Variants in ALKBH3 observed in about 807,000 individuals in gnomAD.
ALKBH3 encodes the protein alkB homolog 3, alpha-ketoglutarate dependent dioxygenase.
Under a neutral mutation model 43.9 loss-of-function variants are expected in ALKBH3, and 51 were observed. That is an observed-to-expected ratio of 1.16 (90% confidence interval 0.93 to 1.47). The LOEUF is 1.47. Ranked by LOEUF, ALKBH3 falls within the 40% of genes most tolerant of loss-of-function variation. The pLI is 0.00. For missense variants in ALKBH3, 361 were observed against 351.9 expected (o/e 1.03, Z -0.21); for synonymous variants, 102 against 115.2 (o/e 0.89, Z 0.73).
Position 43,883,938 on chromosome 11 carries a change from G to A in ALKBH3, c.184-45G>A, listed in dbSNP as rs1951730838. 5 of 1,609,706 alleles carry A rather than the reference G, an allele frequency of 3.1e-6. No individual in the cohort carries two copies. In the South Asian group the frequency reaches 3.3e-5, roughly 11 times the overall value. ...AGATATGGTAAGTCAGTATCCTTGA[G>A]GATTAAGAACATCCCAGAAGTAAGA... On this transcript the variant is annotated intron_variant, in intron 3 of 9. Coordinates refer to ENST00000302708, the MANE Select transcript of ALKBH3 (RefSeq NM_139178.4).
intron 4 of ALKBH3, 21 bp from the exon 5 acceptor site, chr11:43,886,583 GTC>G (rs1205591184): frequency 6.2e-7 from 1 of 1,613,750 alleles, no homozygotes; most frequent in Admixed American, 1.7e-5. Context: ...AAACTAACAA[GTC>G]TGTTTCCTTT....
intron 7 of ALKBH3, chr11:43,897,952 A>G: frequency 2.5e-6 from 2 of 785,208 alleles, no homozygotes; most frequent in Non-Finnish European, 4.7e-6. Flanking sequence ...AGAAGGAGGC[A>G]TAACCTTTGT....
chr11:43,884,800 G>A (rs888367859), intron 4 of ALKBH3, among the ~76,000 whole-genome samples: 1 of 152,114 alleles, frequency 6.6e-6, no homozygotes, highest in Non-Finnish European at 1.5e-5. Flanking sequence ...CACTCAGGCT[G>A]GAGTGCAGTG....
intron 9 of ALKBH3, 176 bp from the exon 10 acceptor site, chr11:43,919,742 T>C (rs1230106138): frequency 8.5e-6 from 5 of 588,170 alleles, no homozygotes; most frequent in Non-Finnish European, 1.5e-5. Flanking sequence ...GGGCTGGGGA[T>C]GGAAATTTGT....
intron 7 of ALKBH3, among the ~76,000 whole-genome samples, chr11:43,900,250 G>C (rs1951853140): frequency 1.0e-5 from 1 of 97,136 alleles, no homozygotes; most frequent in Non-Finnish European, 1.9e-5. Context: ...TTGCGACAGA[G>C]TCTCGCTCTG....
chr11:43,898,779 A>G (rs1951839539), intron 7 of ALKBH3: 4 of 754,890 alleles, frequency 5.3e-6, no homozygotes, highest in East Asian at 2.4e-5. Flanking sequence ...TGGTTAGTCC[A>G]TTTATTGATG....
chr11:43,908,329 T>TC (rs1951910849), intron 8 of ALKBH3, among the ~76,000 whole-genome samples: 1 of 151,690 alleles, frequency 6.6e-6, no homozygotes, highest in African/African-American at 2.4e-5. Context: ...GGGAAAGAGT[T>TC]CCGGGGGATT....
chr11:43,911,555 G>A (rs932827457), intron 8 of ALKBH3, among the ~76,000 whole-genome samples: 10 of 152,190 alleles, frequency 6.6e-5, no homozygotes, highest in African/African-American at 1.4e-4. Flanking sequence ...TGGAATAACC[G>A]CAATAGTAAA....
intron 8 of ALKBH3, among the ~76,000 whole-genome samples, chr11:43,905,775 C>G (rs559698242): frequency 1.3e-5 from 2 of 152,094 alleles, no homozygotes; most frequent in Non-Finnish European, 2.9e-5. Context: ...TGTCCCAAAC[C>G]CAGTTGTACT....
intron 8 of ALKBH3, among the ~76,000 whole-genome samples, chr11:43,914,566 T>TAA (rs34921510): frequency 5.3e-5 from 8 of 150,634 alleles, no homozygotes; most frequent in Middle Eastern, 3.4e-3. Flanking sequence ...TGTAAACTCT[T>TAA]AAAAAAAAAA....
intron 7 of ALKBH3, chr11:43,898,562 G>A: frequency 1.3e-6 from 1 of 769,088 alleles, no homozygotes; most frequent in Non-Finnish European, 2.4e-6. Context: ...CTAAGGCGAT[G>A]TGAAGAGAAT....
chr11:43,906,391 CTAAA>C (rs1455894126), intron 8 of ALKBH3, among the ~76,000 whole-genome samples: 2 of 152,116 alleles, frequency 1.3e-5, no homozygotes, highest in Non-Finnish European at 2.9e-5. Context: ...TAATAAGATA[CTAAA>C]TAGTGTAAAT....
At chr11:43,902,714 A>G (rs1951871510) in intron 8 of ALKBH3, among the ~76,000 whole-genome samples, 1 of 152,224 alleles carries the variant, frequency 6.6e-6, no homozygotes, top group African/African-American at 2.4e-5. Context: ...CACTTGCGTT[A>G]GCCTCCCGAG....
chr11:43,895,770 A>G (rs1305902257), intron 7 of ALKBH3, among the ~76,000 whole-genome samples: 2 of 152,234 alleles, frequency 1.3e-5, no homozygotes, highest in Non-Finnish European at 2.9e-5. Flanking sequence ...GCATGAATCA[A>G]GCCATTGTCA....
intron 8 of ALKBH3, chr11:43,917,004 CAG>C (rs1422797756): frequency 6.6e-6 from 1 of 152,224 alleles, no homozygotes; most frequent in Non-Finnish European, 1.5e-5. Flanking sequence ...TCACTTCTCA[CAG>C]AGGGTACACT....
intron 7 of ALKBH3, chr11:43,898,102 C>A: frequency 9.4e-7 from 1 of 1,066,064 alleles, no homozygotes; most frequent in Non-Finnish European, 1.5e-6. Context: ...CCTCAGCAGC[C>A]CCAGTGCACC....
chr11:43,918,766 C>T (rs1312026337), intron 8 of ALKBH3: 2 of 342,024 alleles, frequency 5.8e-6, no homozygotes, highest in Non-Finnish European at 1.1e-5. Flanking sequence ...TGCCAATCTT[C>T]AAGGGATTTA....
chr11:43,890,770 A>G (rs947948134), intron 6 of ALKBH3, among the ~76,000 whole-genome samples: 1 of 152,154 alleles, frequency 6.6e-6, no homozygotes, highest in Non-Finnish European at 1.5e-5. Flanking sequence ...AGGCTGAGGC[A>G]GGAGAATTGC....
intron 9 of ALKBH3, 133 bp downstream of exon 9, chr11:43,919,269 T>C (rs929425641): frequency 1.3e-6 from 1 of 758,968 alleles, no homozygotes; most frequent in Non-Finnish European, 2.2e-6. Context: ...GCTGACATTC[T>C]TTCCAAGGAG....
Sources: gnomAD v4.1 joint callset for allele counts (sites outside exome capture counted in the v4.1 genomes callset) on GRCh38, gnomAD v4.1.1 for gene constraint, MANE v1.5 for transcripts, NCBI Gene and HGNC (gene_info 2026-07-23, HGNC 2026-07-21) for gene names.